The following KDM5A variants were observed in gnomAD, a reference collection of about 807,000 sequenced individuals.
KDM5A encodes the protein lysine demethylase 5A, also known as lysine-specific demethylase 5A.
KDM5A carries 42 observed loss-of-function variants against 193.5 expected under a neutral mutation model. The observed-to-expected ratio is 0.22, with a 90% CI of 0.17 to 0.28. The LOEUF (loss-of-function observed/expected upper bound fraction) is 0.28. KDM5A is among the 10% of genes least tolerant of loss of function. The pLI is 1.00. For synonymous variants in KDM5A, 796 were observed against 718.1 expected, an observed-to-expected ratio of 1.11 and a Z score of -1.73; for missense variants, 1,692 against 2,055.1, an observed-to-expected ratio of 0.82 and a Z score of 3.42.
chr12:307,414 A>G lies in KDM5A; in HGVS notation c.3930+40T>C, dbSNP rs1329914716. 4 of 1,578,296 alleles carry G rather than the reference A, an allele frequency of 2.5e-6. No homozygotes were observed. Among genetic ancestry groups the G allele is most frequent in the Non-Finnish European group, 3.5e-6 (4 of 1,149,260 alleles). ...CAATTTACTATTTATACACTGACATATCCCATGAAATAGAAAAAGAATGTA... is the reference window on the plus strand; with the variant it reads ...CAATTTACTATTTATACACTGACATGTCCCATGAAATAGAAAAAGAATGTA... On this transcript the variant is annotated intron_variant, in intron 23 of 27. Transcript: ENST00000399788. The surrounding 1 kb of genome is among the most constrained non-coding windows in gnomAD (Gnocchi z 4.3).
intron 3 of KDM5A, among the ~76,000 whole-genome samples, chr12:371,444 A>G (rs1025129357): frequency 6.7e-6 from 1 of 148,344 alleles, no homozygotes; most frequent in African/African-American, 2.5e-5. Flanking sequence ...TCCTTTGCCC[A>G]CTTTATGATG....
At chr12:314,672 G>C (rs1168068411) in intron 19 of KDM5A, among the ~76,000 whole-genome samples, 1 of 152,166 alleles carries the variant, frequency 6.6e-6, no homozygotes, top group African/African-American at 2.4e-5. Context: ...CATCCTTTCT[G>C]AACAAGACTT....
intron 19 of KDM5A, 110 bp from the exon 20 acceptor site, chr12:313,304 C>A: frequency 7.8e-7 from 1 of 1,288,454 alleles, no homozygotes; most frequent in Non-Finnish European, 1.1e-6. Flanking sequence ...ATTCTTACCA[C>A]AATCCTATAA....
intron 14 of KDM5A, among the ~76,000 whole-genome samples, 174 bp downstream of exon 14, chr12:328,661 C>T (rs556466576): frequency 1.6e-4 from 25 of 152,174 alleles, no homozygotes; most frequent in South Asian, 8.3e-4. Flanking sequence ...ATTCCTAAAA[C>T]GTTTTTAATC....
rs1279549290 is a variant in KDM5A, at chr12:328,901, C to T, written c.1902G>A (p.Met634Ile). ...TCATGAGAGTCAATTCTTTGCAGAC[C>T]ATGGCAGCCAGCCCCACATCTAAGC... Reference protein sequence around the residue: ...PECLDVGLAAMVCKELTLMTE... With the variant: ...PECLDVGLAAIVCKELTLMTE... Residue 634 changes from methionine to isoleucine, a missense_variant, in exon 14 of 28, where the codon ATG (methionine) becomes ATA (isoleucine). Transcript: ENST00000399788. 15 of 1,614,154 alleles carry T rather than the reference C, an allele frequency of 9.3e-6. No individual in the cohort carries two copies. The highest frequency in any genetic ancestry group is 3.3e-5 in the South Asian group (3 of 91,082).
At position 284,545 on chromosome 12, in the gene KDM5A, C is replaced by G; in HGVS notation, c.*911G>C. 4.3e-6 allele frequency: 1 copy of G among 232,780 alleles called. No homozygotes were observed. 14.4% of individuals were successfully genotyped at this position (232,780 alleles called of 1,614,324 possible). A position where few individuals can be genotyped will look rare whatever the true frequency, so the allele number is the denominator to read the frequency against. On this transcript the variant is annotated 3_prime_UTR_variant, in exon 28 of 28. Transcript: ENST00000399788. Reference sequence around the variant, plus strand: ...CATGGCCATGCCTGAAGCCTGGTGTCTGGAATACTTGTGAATGAAGTTTTC... The same window carrying G: ...CATGGCCATGCCTGAAGCCTGGTGTGTGGAATACTTGTGAATGAAGTTTTC...
intron 10 of KDM5A, among the ~76,000 whole-genome samples, chr12:348,154 C>T (rs1944102645): frequency 6.6e-6 from 1 of 152,150 alleles, no homozygotes; most frequent in Admixed American, 6.5e-5. Context: ...CCAACAGACA[C>T]ATGAAAAAAT....
chr12:306,818 A>G (rs1234492820), intron 24 of KDM5A, 128 bp downstream of exon 24: 27 of 966,328 alleles, frequency 2.8e-5, no homozygotes, highest in Non-Finnish European at 2.4e-5. Context: ...CTAAAAACTC[A>G]GAACAGATAA....
chr12:380,261 CAAA>C (rs776295511), intron 3 of KDM5A, among the ~76,000 whole-genome samples: 2 of 74,448 alleles, frequency 2.7e-5, no homozygotes, highest in Non-Finnish European at 2.9e-5. Context: ...ACTCCGTCTC[CAAA>C]AAAAAAAAAA....
At chr12:384,835 A>G (rs762146365) in intron 2 of KDM5A, among the ~76,000 whole-genome samples, 1 of 152,194 alleles carries the variant, frequency 6.6e-6, no homozygotes, top group African/African-American at 2.4e-5. Context: ...CATCAACTCT[A>G]TACCTCACTG....
intron 24 of KDM5A, among the ~76,000 whole-genome samples, chr12:302,469 T>G (rs1452163530): frequency 1.3e-5 from 2 of 152,218 alleles, no homozygotes. Flanking sequence ...CTTAGCCATA[T>G]GCAGAAAGCT....
intron 8 of KDM5A, among the ~76,000 whole-genome samples, chr12:353,136 G>C (rs1236561523): frequency 1.3e-5 from 2 of 152,036 alleles, no homozygotes; most frequent in Admixed American, 6.5e-5. Context: ...CTTGAGTCCA[G>C]GAGTTTAGAC....
intron 19 of KDM5A, among the ~76,000 whole-genome samples, chr12:317,465 A>T (rs1943662983): frequency 6.6e-6 from 1 of 152,206 alleles, no homozygotes; most frequent in Admixed American, 6.5e-5. Context: ...TGAGCTTTAT[A>T]CTTCTTACTT....
intron 26 of KDM5A, among the ~76,000 whole-genome samples, chr12:294,606 T>C (rs1457698149): frequency 6.6e-6 from 1 of 152,186 alleles, no homozygotes; most frequent in African/African-American, 2.4e-5. Context: ...AGATCTGACT[T>C]TCAAAACAAA....
In KDM5A at chr12:383,874, G is replaced by A. The variant is rs570757671; in HGVS notation, c.366+157C>T. Among the ~76,000 whole-genome samples, 49 of 151,456 alleles carry A rather than the reference G, an allele frequency of 3.2e-4. 1 individual carries two copies. The highest frequency in any genetic ancestry group is 2.6e-3 in the Admixed American group (39 of 15,238). On this transcript the variant is annotated intron_variant, in intron 3 of 27. Coordinates refer to ENST00000399788, the MANE Select transcript of KDM5A (RefSeq NM_001042603.3). ...AGCAATTCTCCTGCCTCAACCTCCC[G>A]AGTAGCTGGGATTACAGGCATGCGC...
In KDM5A at chr12:322,487, C is replaced by T. The variant is rs1183177933; in HGVS notation, c.2356G>A (p.Asp786Asn). 12 of 1,613,824 alleles carry T rather than the reference C, an allele frequency of 7.4e-6. No individual in the cohort carries two copies. Among genetic ancestry groups the T allele is most frequent in the Non-Finnish European group, 9.3e-6 (11 of 1,179,918 alleles). ...CAGGTCTCAGCTTCTTTTACAGCAT[C>T]CCTGAGTTTTCGAAAGAGATCATTC... ...PENDLFRKLR[D>N]AVKEAETCAS... Residue 786 changes from aspartate (D) to asparagine (N), a missense_variant, in exon 17 of 28, where the codon GAT (aspartate) becomes AAT (asparagine). Around this residue, in one of 11 missense-constraint regions of KDM5A, gnomAD observed 965 missense variants for 1,061.0 expected, o/e 0.91. Coordinates refer to ENST00000399788, the MANE Select transcript of KDM5A (RefSeq NM_001042603.3).
At chr12:331,547 G>T (rs546374892) in intron 13 of KDM5A, among the ~76,000 whole-genome samples, 2 of 152,044 alleles carry the variant, frequency 1.3e-5, no homozygotes, top group African/African-American at 4.8e-5. Flanking sequence ...AATGGGGGAA[G>T]GGGAAAGTGA....
intron 10 of KDM5A, among the ~76,000 whole-genome samples, chr12:339,500 A>T (rs765860770): frequency 6.6e-6 from 1 of 152,184 alleles, no homozygotes; most frequent in Non-Finnish European, 1.5e-5. Flanking sequence ...CCAGTCAACA[A>T]AAAAGGCTTC....
At chr12:370,914 C>CT (rs1293468325) in intron 3 of KDM5A, among the ~76,000 whole-genome samples, 1 of 152,204 alleles carries the variant, frequency 6.6e-6, no homozygotes, top group Non-Finnish European at 1.5e-5. Flanking sequence ...TGGTTTCCAG[C>CT]TTCATCCATG....
Sources: gnomAD v4.1 joint callset for allele counts (sites outside exome capture counted in the v4.1 genomes callset) on GRCh38, gnomAD v4.1.1 for gene constraint, gnomAD v4.1.1 regional missense constraint, Gnocchi (gnomAD v3.1) non-coding constraint, MANE v1.5 for transcripts, NCBI Gene and HGNC (gene_info 2026-07-23, HGNC 2026-07-21) for gene names.